ISM2: variants seen among roughly 807,000 people sequenced by gnomAD.
ISM2 encodes the protein isthmin-2.
A neutral mutation model predicts 58.0 loss-of-function variants in ISM2; 50 were observed. That is an observed-to-expected ratio of 0.86 (90% CI 0.69 to 1.09). The LOEUF (loss-of-function observed/expected upper bound fraction) is 1.09. Ranked by LOEUF, ISM2 falls within the 50% of genes least tolerant of loss-of-function variation. ISM2 has a pLI of 0.00. For missense variants in ISM2, 723 were observed against 745.0 expected (o/e 0.97, Z 0.34); for synonymous variants, 303 against 312.4 (o/e 0.97, Z 0.32).
At chr14:77,487,955 G>C (rs1375570111) in intron 1 of ISM2, among the ~76,000 whole-genome samples, 2 of 152,180 alleles carry the variant, frequency 1.3e-5, no homozygotes, top group Non-Finnish European at 2.9e-5. Context: ...GGGAGGATTT[G>C]CTCTCCAGGC....
At chr14:77,492,193 T>C (rs1323025360) in intron 1 of ISM2, among the ~76,000 whole-genome samples, 1 of 151,960 alleles carries the variant, frequency 6.6e-6, no homozygotes, top group Non-Finnish European at 1.5e-5. Flanking sequence ...CCTCAACCCC[T>C]TTGTGGCACC....
In ISM2 at chr14:77,477,810, C is replaced by T. The variant is rs970348478; in HGVS notation, c.1198+432G>A. ...CACAGACTCAGAGTGTGCAGGTGGA[C>T]GCCTGCCCCATGCCCAGCTGCCTGG... On this transcript the variant is annotated intron_variant, in intron 6 of 6. Transcript: ENST00000342219. Among the ~76,000 whole-genome samples the T allele has an allele frequency of 4.6e-5, 7 of 152,162 alleles. No individual in the cohort carries two copies. In the East Asian group the frequency reaches 5.8e-4, roughly 13 times the overall value.
chr14:77,477,760 G>A (rs2139954041), intron 6 of ISM2, among the ~76,000 whole-genome samples: 1 of 152,264 alleles, frequency 6.6e-6, no homozygotes, highest in African/African-American at 2.4e-5. Context: ...TGCCTTCCTT[G>A]CAGGGTGCAA....
In ISM2 at chr14:77,478,324, G is replaced by A; in HGVS notation, c.1116C>T (p.Gly372=). The part of the protein sequence containing the change: ...TRTCDLPSCP[G]TEDKDTLGLP... Reference sequence around the variant, plus strand: ...GGCCCAAGGTGTCCTTGTCCTCAGTGCCTTTGGGAGGAAAGGAGGCCAGGC... The same window carrying A: ...GGCCCAAGGTGTCCTTGTCCTCAGTACCTTTGGGAGGAAAGGAGGCCAGGC... The change falls in exon 6 of 7, where the codon GGC becomes GGT. Residue 372 remains glycine, a splice_region_variant and synonymous_variant. Transcript: ENST00000342219. 3.1e-6 allele frequency: 5 copies of A among 1,613,446 alleles called. No individual in the cohort carries two copies. The highest frequency in any genetic ancestry group is 4.2e-6 in the Non-Finnish European group (5 of 1,179,448).
At position 77,476,036 on chromosome 14, in the gene ISM2, G is replaced by T; in HGVS notation, c.1275C>A (p.Asp425Glu). The T allele has an allele frequency of 6.4e-7, 1 of 1,562,466 alleles. No homozygotes were observed. Among genetic ancestry groups the T allele is most frequent in the Non-Finnish European group, 8.6e-7 (1 of 1,157,996 alleles). The change falls in exon 7 of 7, where the codon GAC (aspartate) becomes GAA (glutamate). Residue 425 changes from aspartate (D) to glutamate (E), a missense_variant. Asp to Glu is a conservative substitution (Grantham distance 45, BLOSUM62 2). Transcript: ENST00000342219. ...GGTAGGCACACGGGCAGCTGGGCAG[G>T]TCCCGCAGCATCTGGCTCAGATACT... The part of the protein sequence containing the change: ...LIKYLSQMLR[D>E]LPSCPCAYPL...
At chr14:77,477,047 C>T (rs1406164743) in intron 6 of ISM2, among the ~76,000 whole-genome samples, 1 of 152,118 alleles carries the variant, frequency 6.6e-6, no homozygotes, top group African/African-American at 2.4e-5. Context: ...CACCATTTCA[C>T]CCGGTCCCCA....
chr14:77,487,375 G>GGAGA (rs1487601013), intron 1 of ISM2, among the ~76,000 whole-genome samples: 8 of 152,192 alleles, frequency 5.3e-5, no homozygotes, highest in African/African-American at 1.9e-4. Flanking sequence ...GGCCCTAGCA[G>GGAGA]GAGAGAAGCC....
chr14:77,476,167 T>C, intron 6 of ISM2, 55 bp from the exon 7 acceptor site: 1 of 1,493,544 alleles, frequency 6.7e-7, no homozygotes, highest in Non-Finnish European at 8.9e-7. Context: ...CAGGCCCGTG[T>C]GGGGCGGGGA....
chr14:77,484,754 T>C lies in ISM2; in HGVS notation c.307A>G (p.Thr103Ala), dbSNP rs1594950351. ...TTCTGCAGCTCCAGCCGCAACGGAG[T>C]AACCTCTGGGGTCCTGGGAGGGGTG... ...NATPPRTPEV[T>A]PLRLELQKLP... The change falls in exon 2 of 7, where the codon ACT (threonine) becomes GCT (alanine). Residue 103 changes from threonine (T) to alanine (A), a missense_variant. Coordinates refer to ENST00000342219, the MANE Select transcript of ISM2 (RefSeq NM_199296.3). The C allele has an allele frequency of 6.2e-7, 1 of 1,611,678 alleles. No homozygotes were observed. Among genetic ancestry groups the C allele is most frequent in the Admixed American group, 1.7e-5 (1 of 59,658 alleles).
At chr14:77,486,112 C>G (rs546131483) in intron 1 of ISM2, among the ~76,000 whole-genome samples, 6 of 152,228 alleles carry the variant, frequency 3.9e-5, no homozygotes, top group Non-Finnish European at 8.8e-5. Flanking sequence ...GGGCAAGTAA[C>G]CTGCCTGAGG....
At chr14:77,476,203 G>A in intron 6 of ISM2, 91 bp from the exon 7 acceptor site, 1 of 1,395,410 alleles carries the variant, frequency 7.2e-7, no homozygotes, top group South Asian at 1.5e-5. Flanking sequence ...TGCATGGGGA[G>A]AGAAGGCCCA....
rs370867302 is a variant in ISM2, at chr14:77,476,021, C to T, written c.1290G>A (p.Pro430=). The T allele has an allele frequency of 4.8e-5, 75 of 1,577,650 alleles. No homozygotes were observed. The highest frequency in any genetic ancestry group is 2.6e-4 in the South Asian group (23 of 89,040). Residue 430 remains proline (P), a synonymous_variant, in exon 7 of 7, where the codon CCG becomes CCA. Transcript: ENST00000342219. ...CCATGGCCTCCAGTGGGTAGGCACACGGGCAGCTGGGCAGGTCCCGCAGCA... is the reference window on the plus strand; with the variant it reads ...CCATGGCCTCCAGTGGGTAGGCACATGGGCAGCTGGGCAGGTCCCGCAGCA... ...SQMLRDLPSC[P]CAYPLEAMDS...
chr14:77,498,539 C>T, intron 1 of ISM2, 114 bp downstream of exon 1: 1 of 1,371,770 alleles, frequency 7.3e-7, no homozygotes, highest in South Asian at 1.4e-5. Context: ...CTCTCTCCAT[C>T]GGGGGGTCGC....
At chr14:77,488,359 C>T (rs2079180758) in intron 1 of ISM2, among the ~76,000 whole-genome samples, 2 of 152,174 alleles carry the variant, frequency 1.3e-5, no homozygotes, top group South Asian at 4.1e-4. Flanking sequence ...TGGGATTCAG[C>T]TCAGCCCAGC....
intron 1 of ISM2, among the ~76,000 whole-genome samples, chr14:77,494,534 C>A (rs1041711464): frequency 6.6e-6 from 1 of 151,932 alleles, no homozygotes; most frequent in Non-Finnish European, 1.5e-5. Context: ...TAAGCTGGGA[C>A]CACAGGTGCC....
At chr14:77,490,422 G>A (rs559764206) in intron 1 of ISM2, among the ~76,000 whole-genome samples, 33 of 152,366 alleles carry the variant, frequency 2.2e-4, no homozygotes, top group African/African-American at 7.9e-4. Flanking sequence ...CACCCTATAT[G>A]TACAGACTCA....
chr14:77,488,751 G>A (rs916875600), intron 1 of ISM2, among the ~76,000 whole-genome samples: 5 of 152,206 alleles, frequency 3.3e-5, no homozygotes, highest in African/African-American at 1.2e-4. Context: ...GCCATCAGGG[G>A]CACCCCCCTC....
In ISM2 at chr14:77,484,902, A is replaced by T. The variant is rs2079158332; in HGVS notation, c.159T>A (p.Asp53Glu). 1 of 1,562,196 alleles carries T rather than the reference A, an allele frequency of 6.4e-7. No individual in the cohort carries two copies. The change falls in exon 2 of 7, where the codon GAT becomes GAA. Residue 53 changes from aspartate to glutamate, a missense_variant. Asp to Glu is a conservative substitution (Grantham distance 45, BLOSUM62 2). Transcript: ENST00000342219. Reference sequence around the variant, plus strand: ...CCTCCTCTTCCTTCAGAGGCCTAGGATCTGGGGAGGCTGAGACCTGAGGGA... The same window carrying T: ...CCTCCTCTTCCTTCAGAGGCCTAGGTTCTGGGGAGGCTGAGACCTGAGGGA... The part of the protein sequence containing the change: ...TRLAEVSASP[D>E]PRPLKEEEEA...
rs1004197377 is a variant in ISM2, at chr14:77,486,742, T to C, written c.142-1823A>G. Among the ~76,000 whole-genome samples, 238 of 152,110 alleles carry C rather than the reference T, an allele frequency of 1.6e-3. 2 individuals carry two copies. Among genetic ancestry groups the C allele is most frequent in the African/African-American group, 5.3e-3 (220 of 41,504 alleles). On this transcript the variant is annotated intron_variant, in intron 1 of 6. Transcript: ENST00000342219. ...TAGCCTGGTGGTGGCTGGGCCTGCC[T>C]GGGCAGGTGGTACAGTGGTTATGCA...
Sources: allele counts gnomAD v4.1 joint callset (sites outside exome capture counted in the v4.1 genomes callset), GRCh38; gene constraint gnomAD v4.1.1; transcripts MANE v1.5; gene names NCBI Gene and HGNC (gene_info 2026-07-23, HGNC 2026-07-21).